Variants in NCK2 observed in about 807,000 individuals in gnomAD.
NCK2 encodes the protein NCK adaptor protein 2.
Under a neutral mutation model 33.9 loss-of-function variants are expected in NCK2, and 16 were observed. The observed-to-expected ratio is 0.47, with a 90% CI of 0.32 to 0.72. The LOEUF is 0.72. NCK2 is among the 30% of genes least tolerant of loss of function. NCK2 has a pLI of 0.03. For synonymous variants in NCK2, 273 were observed against 239.9 expected, an observed-to-expected ratio of 1.14 and a Z score of -1.27; for missense variants, 418 against 537.3, an observed-to-expected ratio of 0.78 and a Z score of 2.19.
Position 105,830,670 on chromosome 2 carries a change from G to GGTGTGTGTGT in NCK2, c.-17+14094_-17+14103dup, listed in dbSNP as rs56220635. 4.5e-3 allele frequency among the ~76,000 whole-genome samples: 443 copies of GGTGTGTGTGT among 99,024 alleles called. 5 individuals carry two copies. The highest frequency in any genetic ancestry group is 0.016 in the African/African-American group (411 of 25,234). 65.0% of individuals were successfully genotyped at this position (99,024 alleles called of 152,430 possible). A position where few individuals can be genotyped will look rare whatever the true frequency, so the allele number is the denominator to read the frequency against. ...TTGTTTGCATCCTTGCCAGGAATTT[G>GGTGTGTGTGT]GTGTGTGTGTGTGTGTGTGTGTGTG... On this transcript the variant is annotated intron_variant, in intron 2 of 4. Coordinates refer to ENST00000233154, the MANE Select transcript of NCK2 (RefSeq NM_003581.5).
chr2:105,766,556 T>TA (rs1330129774), intron 1 of NCK2, among the ~76,000 whole-genome samples: 2 of 152,108 alleles, frequency 1.3e-5, no homozygotes, highest in Non-Finnish European at 2.9e-5. Context: ...CCCCTGGCCT[T>TA]AAGGGATCCT....
chr2:105,865,444 G>A (rs989416616), intron 3 of NCK2, among the ~76,000 whole-genome samples: 5 of 152,134 alleles, frequency 3.3e-5, no homozygotes, highest in Admixed American at 2.6e-4. Context: ...CTCAGGAATT[G>A]GGGGTGCTGA....
intron 1 of NCK2, among the ~76,000 whole-genome samples, chr2:105,805,688 C>A (rs1675007970): frequency 6.6e-6 from 1 of 152,140 alleles, no homozygotes; most frequent in Non-Finnish European, 1.5e-5. Context: ...TAAATGAGAT[C>A]ATTCAGTATA....
At chr2:105,762,172 A>C (rs899135284) in intron 1 of NCK2, among the ~76,000 whole-genome samples, 1 of 152,206 alleles carries the variant, frequency 6.6e-6, no homozygotes, top group Non-Finnish European at 1.5e-5. Flanking sequence ...AGCTTGTGAG[A>C]AGCACAGTTT....
intron 4 of NCK2, among the ~76,000 whole-genome samples, chr2:105,891,971 T>TG (rs1260074785): frequency 6.6e-6 from 1 of 152,218 alleles, no homozygotes; most frequent in East Asian, 1.9e-4. Flanking sequence ...CAGCTTCCTC[T>TG]GGGATATTGT....
At chr2:105,864,828 TACACACAC>T (rs10524426) in intron 3 of NCK2, among the ~76,000 whole-genome samples, 1,631 of 144,424 alleles carry the variant, frequency 0.011, 17 homozygotes, top group Middle Eastern at 0.028. Flanking sequence ...CATGTGCATG[TACACACAC>T]ACACACACAC....
At chr2:105,827,288 C>T (rs998276062) in intron 2 of NCK2, among the ~76,000 whole-genome samples, 60 of 152,266 alleles carry the variant, frequency 3.9e-4, no homozygotes, top group African/African-American at 1.3e-3. Context: ...CGTGAGCCAC[C>T]GCGCCTGGCT....
rs564512766 is a variant in NCK2, at chr2:105,770,575, AGT to A, written c.-201+25442_-201+25443del. ...GCTATAGAATATCTGTCATTTTTAG[AGT>A]GTGTAGATATGCTCTAGAAACAGAC... On this transcript the variant is annotated intron_variant, in intron 1 of 4. Transcript: ENST00000233154. 1.2e-3 allele frequency among the ~76,000 whole-genome samples: 177 copies of A among 152,294 alleles called. 1 individual carries two copies. The highest frequency in any genetic ancestry group is 4.1e-3 in the African/African-American group (171 of 41,564).
chr2:105,875,340 G>A (rs895503985), intron 3 of NCK2, among the ~76,000 whole-genome samples: 4 of 152,040 alleles, frequency 2.6e-5, no homozygotes, highest in Non-Finnish European at 1.5e-5. Context: ...AGCTGCTGGA[G>A]GTGCTGGCGG....
chr2:105,847,054 C>G (rs950627464), intron 2 of NCK2: 1 of 152,150 alleles, frequency 6.6e-6, no homozygotes, highest in African/African-American at 2.4e-5. Flanking sequence ...TGTAATTAGC[C>G]AGTCACAAAT....
At chr2:105,758,074 C>T (rs1231438342) in intron 1 of NCK2, among the ~76,000 whole-genome samples, 1 of 152,194 alleles carries the variant, frequency 6.6e-6, no homozygotes, top group Non-Finnish European at 1.5e-5. Flanking sequence ...AATGTGAACT[C>T]TACTTACATG....
chr2:105,779,585 C>T (rs1045683461), intron 1 of NCK2, among the ~76,000 whole-genome samples: 1 of 152,146 alleles, frequency 6.6e-6, no homozygotes, highest in Admixed American at 6.5e-5. Flanking sequence ...AAAAGGACTG[C>T]CCATTCTTTG....
chr2:105,876,142 C>T (rs964662513), intron 3 of NCK2, among the ~76,000 whole-genome samples: 12 of 152,170 alleles, frequency 7.9e-5, no homozygotes, highest in Admixed American at 2.0e-4. Flanking sequence ...ATATGATCAT[C>T]GCAATATGAT....
chr2:105,755,901 A>C (rs13017109), intron 1 of NCK2, among the ~76,000 whole-genome samples: 36,687 of 152,168 alleles, frequency 0.24, 5,293 homozygotes, highest in Middle Eastern at 0.36. Flanking sequence ...TGAATGTTTA[A>C]TTTCCTTCTT....
chr2:105,782,383 C>G (rs1690529092), intron 1 of NCK2, among the ~76,000 whole-genome samples: 1 of 152,228 alleles, frequency 6.6e-6, no homozygotes, highest in Non-Finnish European at 1.5e-5. Context: ...TAGTTCCACT[C>G]TCTCCACAGC....
chr2:105,847,681 TCA>T, intron 2 of NCK2, among the ~76,000 whole-genome samples: 1 of 152,146 alleles, frequency 6.6e-6, no homozygotes, highest in Non-Finnish European at 1.5e-5. Flanking sequence ...GGAGGAGAAT[TCA>T]CTGGATAATC....
At chr2:105,878,101 G>A (rs1678311314) in intron 3 of NCK2, among the ~76,000 whole-genome samples, 1 of 152,224 alleles carries the variant, frequency 6.6e-6, no homozygotes, top group African/African-American at 2.4e-5. Flanking sequence ...TCCAACACTG[G>A]TAGGATCATG....
intron 2 of NCK2, among the ~76,000 whole-genome samples, chr2:105,819,268 C>G (rs1007027055): frequency 6.6e-6 from 1 of 151,098 alleles, no homozygotes; most frequent in Non-Finnish European, 1.5e-5. Flanking sequence ...TGTTCCAAAC[C>G]TAGGAGGTTT....
rs546268871 is a variant in NCK2, at chr2:105,752,800, A to G, written c.-201+7662A>G. Among the ~76,000 whole-genome samples the G allele has an allele frequency of 5.7e-4, 87 of 152,138 alleles. 1 individual carries two copies. The highest frequency in any genetic ancestry group is 1.9e-3 in the African/African-American group (80 of 41,490). On this transcript the variant is annotated intron_variant, in intron 1 of 4. Coordinates refer to ENST00000233154, the MANE Select transcript of NCK2 (RefSeq NM_003581.5). ...TTGTTTTTTTATGGCTGAATAGTCTATTTTCTTTATCCAGTCATCTGTAGT... is the reference window on the plus strand; with the variant it reads ...TTGTTTTTTTATGGCTGAATAGTCTGTTTTCTTTATCCAGTCATCTGTAGT...
Sources: allele counts gnomAD v4.1 joint callset (sites outside exome capture counted in the v4.1 genomes callset), GRCh38; gene constraint gnomAD v4.1.1; transcripts MANE v1.5; gene names NCBI Gene and HGNC (gene_info 2026-07-23, HGNC 2026-07-21).